Variants in PPP2R1B observed in about 807,000 individuals in gnomAD.
PPP2R1B encodes the protein protein phosphatase 2 scaffold subunit Abeta.
A neutral mutation model predicts 72.7 loss-of-function variants in PPP2R1B; 58 were observed. The observed-to-expected ratio is 0.80, with a 90% CI of 0.65 to 0.99. PPP2R1B has a LOEUF of 0.99. PPP2R1B is among the 50% of genes least tolerant of loss of function. PPP2R1B has a pLI of 0.00. For missense variants in PPP2R1B, 695 were observed against 733.6 expected (o/e 0.95, Z 0.61); for synonymous variants, 256 against 264.6 (o/e 0.97, Z 0.32).
chr11:111,717,787 T>G, the PPP2R1B span, among the ~76,000 whole-genome samples: 1 of 152,182 alleles, frequency 6.6e-6, no homozygotes, highest in South Asian at 2.1e-4. Context: ...ATCATGTCCT[T>G]TGCAGGGACA....
chr11:111,756,665 C>T (rs782309340), intron 5 of PPP2R1B, among the ~76,000 whole-genome samples: 40 of 152,110 alleles, frequency 2.6e-4, no homozygotes, highest in Non-Finnish European at 4.1e-4. Context: ...ATTTAAATGT[C>T]GAAGATCAAG....
the PPP2R1B span, among the ~76,000 whole-genome samples, chr11:111,702,730 G>C: frequency 6.6e-6 from 1 of 152,208 alleles, no homozygotes; most frequent in Admixed American, 6.5e-5. Context: ...TCTTGGTGTA[G>C]TCAGAAGTAA....
chr11:111,753,409 T>C (rs1944984977), intron 9 of PPP2R1B, 34 bp downstream of exon 9: 2 of 1,588,168 alleles, frequency 1.3e-6, no homozygotes, highest in South Asian at 1.2e-5. Context: ...ATCAAATTAC[T>C]ATCAAAGGCA....
downstream of PPP2R1B, among the ~76,000 whole-genome samples, chr11:111,734,844 C>T (rs1944293862): frequency 6.6e-6 from 1 of 152,196 alleles, no homozygotes; most frequent in Non-Finnish European, 1.5e-5. Context: ...GCGCGAAGGC[C>T]CTGCCAGCCT....
At chr11:111,729,851 CT>C (rs1944125218) in intron 15 of PPP2R1B, 2 of 152,274 alleles carry the variant, frequency 1.3e-5, no homozygotes, top group African/African-American at 4.8e-5. Context: ...ACCCGCCTGC[CT>C]TTCAGCGTCC....
chr11:111,716,846 ACC>A, the PPP2R1B span, among the ~76,000 whole-genome samples: 6 of 152,184 alleles, frequency 3.9e-5, no homozygotes, highest in Non-Finnish European at 8.8e-5. Flanking sequence ...TGAACAGACA[ACC>A]CACAGAATGA....
chr11:111,699,474 C>G, the PPP2R1B span, among the ~76,000 whole-genome samples: 1 of 152,170 alleles, frequency 6.6e-6, no homozygotes, highest in Non-Finnish European at 1.5e-5. Context: ...AGCATCCTAT[C>G]TGGGTAGGTG....
At position 111,748,097 on chromosome 11, in the gene PPP2R1B, C is replaced by T. The variant is rs911932336; in HGVS notation, c.1339-83G>A. 3.9e-6 allele frequency: 5 copies of T among 1,289,110 alleles called. No individual in the cohort carries two copies. The African/African-American group carries it at 6.0e-5, about 15-fold the overall frequency. The allele number at this position is 1,289,110 out of a possible 1,614,324, so 79.9% of individuals were successfully genotyped here. The stretch of plus-strand genomic sequence containing the variant: ...TCTATTTACATTACACCAAGGTTAC[C>T]TGAAGGCTAAAAAAACTTGTTTCCA... On this transcript the variant is annotated intron_variant, in intron 10 of 14. Coordinates refer to ENST00000527614, the MANE Select transcript of PPP2R1B (RefSeq NM_002716.5).
chr11:111,765,425 C>A (rs545457266), intron 1 of PPP2R1B, 41 bp from the exon 2 acceptor site: 1 of 1,513,810 alleles, frequency 6.6e-7, no homozygotes, highest in South Asian at 1.2e-5. Context: ...TGTAAAGAAA[C>A]GGCTGAATTT....
chr11:111,707,573 G>A, the PPP2R1B span, among the ~76,000 whole-genome samples: 15 of 152,288 alleles, frequency 9.8e-5, 1 homozygote, highest in South Asian at 4.1e-4. Context: ...CCTTCTGGAT[G>A]CTGAGCAACA....
At chr11:111,719,517 T>C in the PPP2R1B span, among the ~76,000 whole-genome samples, 1 of 152,100 alleles carries the variant, frequency 6.6e-6, no homozygotes, top group South Asian at 2.1e-4. Flanking sequence ...AAGTTGTTTA[T>C]TGTAATAATG....
the PPP2R1B span, among the ~76,000 whole-genome samples, chr11:111,704,322 T>TA: frequency 6.6e-6 from 1 of 152,204 alleles, no homozygotes; most frequent in African/African-American, 2.4e-5. Flanking sequence ...CAGGTGGAAT[T>TA]AGAACCCAAA....
At chr11:111,709,336 G>T in the PPP2R1B span, among the ~76,000 whole-genome samples, 1 of 152,200 alleles carries the variant, frequency 6.6e-6, no homozygotes. Context: ...TCAAGGCCCT[G>T]TCTCCAGATA....
Position 111,766,352 on chromosome 11 carries a change from C to T in PPP2R1B, c.10G>A (p.Ala4Thr), listed in dbSNP as rs868992193. 1.9e-6 allele frequency: 3 copies of T among 1,607,684 alleles called. No individual in the cohort carries two copies. Among genetic ancestry groups the T allele is most frequent in the Non-Finnish European group, 1.7e-6 (2 of 1,178,450 alleles). The change falls in exon 1 of 15, where the codon GCA (alanine) becomes ACA (threonine). Residue 4 changes from alanine (A) to threonine (T), a missense_variant. Transcript: ENST00000527614. ...CCTGGGCCGGTCCCGAGCTCTGATG[C>T]GCCCGCCATGTTCTTTCTCCTCCTG... Reference protein sequence around the residue: MAGASELGTGPGAA... With the variant: MAGTSELGTGPGAA...
At chr11:111,700,927 G>A in the PPP2R1B span, 1 of 1,613,898 alleles carries the variant, frequency 6.2e-7, no homozygotes, top group Non-Finnish European at 8.5e-7. Context: ...TGAACTGCTG[G>A]CAACATGGTG....
chr11:111,729,353 GC>G (rs370784406), intron 15 of PPP2R1B: 27 of 152,302 alleles, frequency 1.8e-4, no homozygotes, highest in African/African-American at 6.3e-4. Flanking sequence ...TACTCTGCTC[GC>G]CCACCCACAA....
Position 111,739,535 on chromosome 11 carries a change from A to G in PPP2R1B, c.*2061T>C, listed in dbSNP as rs897435477. 2 of 985,476 alleles carry G rather than the reference A, an allele frequency of 2.0e-6. No homozygotes were observed. The highest frequency in any genetic ancestry group is 3.5e-5 in the African/African-American group (2 of 57,374). The allele number at this position is 985,476 out of a possible 1,614,324, so 61.0% of individuals were successfully genotyped here. A position where few individuals can be genotyped will look rare whatever the true frequency, so the allele number is the denominator to read the frequency against. On this transcript the variant is annotated 3_prime_UTR_variant, in exon 15 of 15. Coordinates refer to ENST00000527614, the MANE Select transcript of PPP2R1B (RefSeq NM_002716.5). Reference sequence around the variant, plus strand: ...TGAACCCCCGACCCATGCTTGAGAAAGCCAGGGCCCACTCTCCCTCTCTCA... The same window carrying G: ...TGAACCCCCGACCCATGCTTGAGAAGGCCAGGGCCCACTCTCCCTCTCTCA...
At chr11:111,742,295 A>C in intron 13 of PPP2R1B, 151 bp from the exon 14 acceptor site, 2 of 796,046 alleles carry the variant, frequency 2.5e-6, no homozygotes, top group South Asian at 2.0e-5. Flanking sequence ...ATGTCTAAAG[A>C]AATTCTCAGC....
chr11:111,741,264 T>G lies in PPP2R1B; in HGVS notation c.*332A>C, dbSNP rs1169371363. 1.8e-6 allele frequency: 2 copies of G among 1,132,138 alleles called. No homozygotes were observed. The highest frequency in any genetic ancestry group is 3.3e-5 in the African/African-American group (2 of 61,536). The allele number at this position is 1,132,138 out of a possible 1,614,324, so 70.1% of individuals were successfully genotyped here. ...CGTCTGGGTCCACACCCTTCCAGGC[T>G]TTGTCTGGAACATTATGTGGCTGGT... On this transcript the variant is annotated 3_prime_UTR_variant, in exon 15 of 15. Transcript: ENST00000527614.
Sources: gnomAD v4.1 joint callset for allele counts (sites outside exome capture counted in the v4.1 genomes callset) on GRCh38, gnomAD v4.1.1 for gene constraint, MANE v1.5 for transcripts, NCBI Gene and HGNC (gene_info 2026-07-23, HGNC 2026-07-21) for gene names.